Variants in NLGN4X observed in about 807,000 individuals in gnomAD.
NLGN4X encodes neuroligin-4, X-linked.
In NLGN4X, 3 loss-of-function variants were observed where a neutral mutation model predicts 40.3. That is an observed-to-expected ratio of 0.07 (90% confidence interval 0.03 to 0.19). The LOEUF is 0.19. NLGN4X is among the 10% of genes least tolerant of loss of function. NLGN4X has a pLI of 1.00. For missense variants in NLGN4X, 382 were observed against 708.3 expected (o/e 0.54, Z 5.23); for synonymous variants, 270 against 306.8 (o/e 0.88, Z 1.25).
At chrX:5,955,174 G>A (rs760567186) in intron 3 of NLGN4X, among the ~76,000 whole-genome samples, 1 of 111,930 alleles carries the variant, frequency 8.9e-6, no homozygotes, top group African/African-American at 3.2e-5. Flanking sequence ...CAGGGTTTAA[G>A]CCAAAAATAT....
At chrX:6,208,777 T>G (rs1924281416) in intron 1 of NLGN4X, among the ~76,000 whole-genome samples, 3 of 112,027 alleles carry the variant, frequency 2.7e-5, no homozygotes, top group South Asian at 7.5e-4. Context: ...CATACACTGT[T>G]GATGGGAATG....
chrX:6,105,933 T>C (rs1262915408), intron 2 of NLGN4X, among the ~76,000 whole-genome samples: 1 of 111,829 alleles, frequency 8.9e-6, no homozygotes, highest in Non-Finnish European at 1.9e-5. Context: ...ACCAACATTA[T>C]CAATGAGACC....
chrX:6,154,033 C>T (rs1287122264), intron 1 of NLGN4X, among the ~76,000 whole-genome samples: 3 of 112,222 alleles, frequency 2.7e-5, no homozygotes, highest in Admixed American at 1.9e-4. Flanking sequence ...TAAAGCCCAG[C>T]GTTTCCCCAT....
chrX:6,067,098 G>A (rs1421402455), intron 2 of NLGN4X, among the ~76,000 whole-genome samples: 2 of 99,453 alleles, frequency 2.0e-5, no homozygotes, highest in African/African-American at 8.1e-5. Context: ...AACAGAGTGA[G>A]ATACAGTCCC....
intron 1 of NLGN4X, among the ~76,000 whole-genome samples, chrX:6,225,820 G>A (rs1227616883): frequency 2.1e-5 from 2 of 93,840 alleles, no homozygotes; most frequent in African/African-American, 4.0e-5. Context: ...GCGCTCCGAT[G>A]TAAACCCTAC....
intron 3 of NLGN4X, among the ~76,000 whole-genome samples, chrX:5,927,455 C>T (rs184234958): frequency 8.4e-4 from 94 of 111,874 alleles, no homozygotes; most frequent in African/African-American, 2.9e-3. Flanking sequence ...GGAGTTCAGC[C>T]CAAAGCAAAT....
At chrX:6,023,543 G>A (rs1194187373) in intron 3 of NLGN4X, among the ~76,000 whole-genome samples, 1 of 111,943 alleles carries the variant, frequency 8.9e-6, no homozygotes, top group East Asian at 2.8e-4. Flanking sequence ...AGTTACACCC[G>A]GGTTTCAGTC....
At chrX:6,168,674 T>C (rs1273807450) in intron 1 of NLGN4X, among the ~76,000 whole-genome samples, 1 of 111,594 alleles carries the variant, frequency 9.0e-6, no homozygotes, top group Admixed American at 9.6e-5. Flanking sequence ...TGGGTCTCTC[T>C]ATGTTGCAGG....
At chrX:6,112,561 G>A (rs1569244110) in intron 2 of NLGN4X, among the ~76,000 whole-genome samples, 3 of 106,689 alleles carry the variant, frequency 2.8e-5, no homozygotes, top group Non-Finnish European at 5.8e-5. Context: ...TATAGTCCCC[G>A]CTTTCTTTTT....
At chrX:5,964,749 C>A in intron 3 of NLGN4X, among the ~76,000 whole-genome samples, 1 of 111,619 alleles carries the variant, frequency 9.0e-6, no homozygotes, top group East Asian at 2.8e-4. Context: ...GAACTCCTGG[C>A]CTCAAATGAT....
chrX:6,121,319 A>T (rs1373112760), intron 2 of NLGN4X, among the ~76,000 whole-genome samples: 1 of 30,306 alleles, frequency 3.3e-5, no homozygotes, highest in African/African-American at 2.0e-4. Context: ...TGTGTCTGAC[A>T]AAAAAAAAGC....
chrX:6,086,918 C>T (rs1485829034), intron 2 of NLGN4X, among the ~76,000 whole-genome samples: 1 of 111,633 alleles, frequency 9.0e-6, no homozygotes, highest in Non-Finnish European at 1.9e-5. Context: ...ACAGGTGTGA[C>T]TCACCACACC....
chrX:5,958,268 G>A (rs2034559289), intron 3 of NLGN4X, among the ~76,000 whole-genome samples: 1 of 111,300 alleles, frequency 9.0e-6, no homozygotes, highest in Non-Finnish European at 1.9e-5. Flanking sequence ...GAGATGTCTG[G>A]ATTAAAAAAA....
rs757294700 is a variant in NLGN4X, at chrX:6,060,037, A to G, written c.473-30605T>C. 2.7e-5 allele frequency among the ~76,000 whole-genome samples: 3 copies of G among 112,087 alleles called. No individual in the cohort carries two copies. The East Asian group carries it at 8.4e-4, about 31-fold the overall frequency. ...ATAGCTGTGGTAATATTTTTGCTAC[A>G]GATAATACAAAACTGTATCTTTACC... On this transcript the variant is annotated intron_variant, in intron 2 of 5. Transcript: ENST00000381095.
chrX:6,174,752 A>G (rs1051598576), intron 1 of NLGN4X, among the ~76,000 whole-genome samples: 1 of 111,621 alleles, frequency 9.0e-6, no homozygotes, highest in Non-Finnish European at 1.9e-5. Flanking sequence ...AAACACGGAA[A>G]TAAAGACGGG....
intron 3 of NLGN4X, among the ~76,000 whole-genome samples, chrX:5,979,756 G>A (rs1164681691): frequency 2.0e-5 from 2 of 98,344 alleles, no homozygotes; most frequent in Non-Finnish European, 3.9e-5. Flanking sequence ...ACATATATAT[G>A]TGTATATATA....
intron 1 of NLGN4X, among the ~76,000 whole-genome samples, chrX:6,157,813 G>C (rs375998470): frequency 1.8e-5 from 2 of 111,241 alleles, no homozygotes; most frequent in Non-Finnish European, 3.8e-5. Flanking sequence ...GGGTTACAAC[G>C]TCAACATGGG....
At chrX:5,995,592 C>G (rs1223928474) in intron 3 of NLGN4X, among the ~76,000 whole-genome samples, 1 of 112,017 alleles carries the variant, frequency 8.9e-6, no homozygotes. Context: ...GCTTAAGAAA[C>G]AGCTGACACA....
chrX:5,898,718 G>A (rs2031669087), intron 5 of NLGN4X, among the ~76,000 whole-genome samples: 1 of 112,104 alleles, frequency 8.9e-6, no homozygotes, highest in Non-Finnish European at 1.9e-5. Flanking sequence ...CACCTCCAGT[G>A]CTGGAAGGGA....
Sources: allele counts gnomAD v4.1 joint callset (sites outside exome capture counted in the v4.1 genomes callset), GRCh38; gene constraint gnomAD v4.1.1; transcripts MANE v1.5; gene names NCBI Gene and HGNC (gene_info 2026-07-23, HGNC 2026-07-21).